FAM53B: variants seen among roughly 807,000 people sequenced by gnomAD.
FAM53B encodes protein FAM53B.
Under a neutral mutation model 32.7 loss-of-function variants are expected in FAM53B, and 12 were observed. The observed-to-expected ratio is 0.37, with a 90% CI of 0.24 to 0.59. The LOEUF (loss-of-function observed/expected upper bound fraction) is 0.59, where lower values mean the gene tolerates loss of function less well. FAM53B is among the 20% of genes least tolerant of loss of function. The pLI is 0.72. For missense variants in FAM53B, 477 were observed against 577.7 expected, an observed-to-expected ratio of 0.83 and a Z score of 1.79; for synonymous variants, 234 against 228.7, an observed-to-expected ratio of 1.02 and a Z score of -0.21.
At chr10:124,711,558 A>G (rs950789170) in intron 1 of FAM53B, among the ~76,000 whole-genome samples, 1 of 152,204 alleles carries the variant, frequency 6.6e-6, no homozygotes, top group Non-Finnish European at 1.5e-5. Flanking sequence ...AATAAATCCC[A>G]ATCTATGCAT....
intron 2 of FAM53B, among the ~76,000 whole-genome samples, chr10:124,698,898 G>A (rs1349449357): frequency 6.6e-6 from 1 of 152,106 alleles, no homozygotes; most frequent in Non-Finnish European, 1.5e-5. Flanking sequence ...CAGCCTACAG[G>A]GCCCCATATG....
At position 124,620,224 on chromosome 10, in the gene FAM53B, C is replaced by T. The variant is rs1194937905; in HGVS notation, c.*3018G>A. ...TCTGCCCGTGCAAATCCGGCCTCCA[C>T]CGCGAGTAAGGCAAGAGGGTATGGC... On this transcript the variant is annotated 3_prime_UTR_variant, in exon 5 of 5. Transcript: ENST00000337318. The T allele has an allele frequency of 1.3e-5, 2 of 152,676 alleles. No individual in the cohort carries two copies. The highest frequency in any genetic ancestry group is 2.9e-5 in the Non-Finnish European group (2 of 68,056). 9.5% of individuals were successfully genotyped at this position (152,676 alleles called of 1,614,324 possible). A position where few individuals can be genotyped will look rare whatever the true frequency, so the allele number is the denominator to read the frequency against.
intron 4 of FAM53B, among the ~76,000 whole-genome samples, chr10:124,641,844 T>C (rs1212082240): frequency 6.6e-6 from 1 of 152,194 alleles, no homozygotes; most frequent in Non-Finnish European, 1.5e-5. Context: ...CCTAACTATG[T>C]GCTGGGCACT....
intron 2 of FAM53B, among the ~76,000 whole-genome samples, chr10:124,705,362 C>T (rs1446879920): frequency 6.6e-6 from 1 of 152,236 alleles, no homozygotes; most frequent in Non-Finnish European, 1.5e-5. Flanking sequence ...TTGCAGCTGC[C>T]TCATTTGTAA....
chr10:124,634,594 C>T (rs1030189081), intron 4 of FAM53B, among the ~76,000 whole-genome samples: 2 of 152,260 alleles, frequency 1.3e-5, no homozygotes, highest in African/African-American at 4.8e-5. Context: ...GCTTCCCCTT[C>T]CGCCATGACT....
At chr10:124,720,008 C>T (rs940873472) in intron 1 of FAM53B, among the ~76,000 whole-genome samples, 23 of 151,866 alleles carry the variant, frequency 1.5e-4, no homozygotes, top group Non-Finnish European at 2.6e-4. Flanking sequence ...ACTAAAAATA[C>T]AAAAATTAGC....
At position 124,682,016 on chromosome 10, in the gene FAM53B, G is replaced by C; in HGVS notation, c.497C>G (p.Ser166Cys). Residue 166 changes from serine to cysteine, a missense_variant, in exon 4 of 5, where the codon TCC becomes TGC. Transcript: ENST00000337318. The surrounding 1 kb of genome is among the most constrained non-coding windows in gnomAD (Gnocchi z 5.2). Reference protein sequence around the residue: ...SNGFSTMQRSSSFSLPSRANV... With the variant: ...SNGFSTMQRSCSFSLPSRANV... The stretch of plus-strand genomic sequence containing the variant: ...GGCCCGGGAAGGGAGGCTGAAGCTG[G>C]AACTCCTCTGCATGGTGCTGAAGCC... 4 of 1,613,978 alleles carry C rather than the reference G, an allele frequency of 2.5e-6. No homozygotes were observed. The highest frequency in any genetic ancestry group is 3.4e-6 in the Non-Finnish European group (4 of 1,179,940).
intron 4 of FAM53B, among the ~76,000 whole-genome samples, chr10:124,642,172 C>A (rs538586241): frequency 6.6e-6 from 1 of 152,214 alleles, no homozygotes; most frequent in Non-Finnish European, 1.5e-5. Context: ...GACCACAGGG[C>A]GGCCACTTCT....
chr10:124,641,208 T>C (rs1353360627), intron 4 of FAM53B, among the ~76,000 whole-genome samples: 1 of 152,198 alleles, frequency 6.6e-6, no homozygotes, highest in East Asian at 1.9e-4. Flanking sequence ...GTCACACACA[T>C]ACCTCTTCCT....
chr10:124,664,504 A>G (rs549998163), intron 4 of FAM53B, among the ~76,000 whole-genome samples: 3 of 152,328 alleles, frequency 2.0e-5, no homozygotes, highest in South Asian at 2.1e-4. Context: ...CCTTTCTACC[A>G]GGGGCTACAA....
chr10:124,628,383 G>A (rs556939688), intron 4 of FAM53B, among the ~76,000 whole-genome samples: 1 of 152,184 alleles, frequency 6.6e-6, no homozygotes, highest in African/African-American at 2.4e-5. Flanking sequence ...TGCCTCCTCC[G>A]AAGGAGGCTG....
At chr10:124,708,442 G>A (rs968464968) in intron 1 of FAM53B, among the ~76,000 whole-genome samples, 3 of 152,202 alleles carry the variant, frequency 2.0e-5, no homozygotes, top group Admixed American at 6.5e-5. Flanking sequence ...AGGGAGCCCC[G>A]GGGAGCCTGA....
intron 4 of FAM53B, among the ~76,000 whole-genome samples, chr10:124,678,376 C>G (rs752899638): frequency 3.3e-5 from 5 of 152,236 alleles, no homozygotes; most frequent in Non-Finnish European, 7.3e-5. Context: ...AACACACACC[C>G]ATATGGATAG....
intron 3 of FAM53B, among the ~76,000 whole-genome samples, chr10:124,692,057 G>A (rs1949836018): frequency 6.6e-6 from 1 of 152,242 alleles, no homozygotes; most frequent in Non-Finnish European, 1.5e-5. Flanking sequence ...AAGCTTTGTA[G>A]AGGAAATTCC....
chr10:124,728,712 T>G (rs528269326), intron 1 of FAM53B, among the ~76,000 whole-genome samples: 3 of 152,234 alleles, frequency 2.0e-5, no homozygotes, highest in Non-Finnish European at 4.4e-5. Context: ...GAAGACTTCT[T>G]GTACCATAAC....
chr10:124,657,126 ATG>A (rs1327814260), intron 4 of FAM53B, among the ~76,000 whole-genome samples: 2 of 146,878 alleles, frequency 1.4e-5, no homozygotes, highest in Non-Finnish European at 3.0e-5. Flanking sequence ...GTGTATATAT[ATG>A]TGTGTATATA....
intron 1 of FAM53B, among the ~76,000 whole-genome samples, chr10:124,711,534 A>C (rs1252468078): frequency 1.3e-5 from 2 of 151,932 alleles, no homozygotes; most frequent in African/African-American, 4.8e-5. Flanking sequence ...AATGATCTCA[A>C]AAAAAAAATT....
At chr10:124,683,730 G>A (rs1949786462) in intron 3 of FAM53B, among the ~76,000 whole-genome samples, 1 of 124,624 alleles carries the variant, frequency 8.0e-6, no homozygotes, top group Non-Finnish European at 2.0e-5. Context: ...GGTGGACTGT[G>A]GGTGAGCCTG....
At chr10:124,665,828 T>C (rs991778419) in intron 4 of FAM53B, among the ~76,000 whole-genome samples, 2 of 152,178 alleles carry the variant, frequency 1.3e-5, no homozygotes, top group East Asian at 3.8e-4. Context: ...GGTAAATAAA[T>C]AGTGGCTGAA....
Sources: gnomAD v4.1 joint callset for allele counts (sites outside exome capture counted in the v4.1 genomes callset) on GRCh38, gnomAD v4.1.1 for gene constraint, Gnocchi (gnomAD v3.1) non-coding constraint, MANE v1.5 for transcripts, NCBI Gene and HGNC (gene_info 2026-07-23, HGNC 2026-07-21) for gene names.